The following CADM3 variants were observed in gnomAD, a reference collection of about 807,000 sequenced individuals.
The protein encoded by CADM3 is TSLC1-like 1.
Under a neutral mutation model 44.9 loss-of-function variants are expected in CADM3, and 11 were observed. The observed-to-expected ratio is 0.25, with a 90% confidence interval of 0.15 to 0.41. The LOEUF (loss-of-function observed/expected upper bound fraction) is 0.41, where lower values mean the gene tolerates loss of function less well. Ranked by LOEUF, CADM3 falls within the 10% of genes least tolerant of loss-of-function variation. CADM3 has a pLI of 1.00. For synonymous variants in CADM3, 207 were observed against 205.2 expected, an observed-to-expected ratio of 1.01 and a Z score of -0.08; for missense variants, 426 against 512.0, an observed-to-expected ratio of 0.83 and a Z score of 1.62.
In CADM3 at chr1:159,182,316, G is replaced by A. The variant is rs765532423; in HGVS notation, c.89-9620G>A. On this transcript the variant is annotated intron_variant, in intron 1 of 8. Transcript: ENST00000368125. ...TAGACTTACTTCTCTTAAGGTCCAC[G>A]GTCCTGGAGTTCCTCAGTATCATGC... 3.9e-5 allele frequency among the ~76,000 whole-genome samples: 6 copies of A among 152,136 alleles called. No individual in the cohort carries two copies. In the East Asian group the frequency reaches 7.7e-4, roughly 20 times the overall value.
rs1039713414 is a variant in CADM3 at position 159,171,797 on chromosome 1, T to A, written c.32T>A (p.Leu11Gln). MGAPAASLLL[L>Q]LLLFACCWAP... ...GCCCCAGCCGCCTCGCTCCTGCTCC[T>A]GCTCCTGCTGTTCGCCTGCTGCTGG... is the stretch of plus-strand genomic sequence containing the variant. The change falls in exon 1 of 9, where the codon CTG becomes CAG. Residue 11 changes from leucine (L) to glutamine (Q), a missense_variant. Leu to Gln is a moderately radical substitution (Grantham distance 113). Around this residue, in one of 2 missense-constraint regions of CADM3, gnomAD observed 64 missense variants for 37.4 expected, o/e 1.71. Coordinates refer to ENST00000368125, the MANE Select transcript of CADM3 (RefSeq NM_001127173.3). 2.4e-6 allele frequency: 3 copies of A among 1,246,258 alleles called. No homozygotes were observed. Among genetic ancestry groups the A allele is most frequent in the African/African-American group, 3.1e-5 (2 of 64,862 alleles). The allele number at this position is 1,246,258 out of a possible 1,614,324, so 77.2% of individuals were successfully genotyped here. A position where few individuals can be genotyped will look rare whatever the true frequency, so the allele number is the denominator to read the frequency against.
intron 1 of CADM3, among the ~76,000 whole-genome samples, chr1:159,175,229 C>A (rs1022386011): frequency 9.2e-5 from 14 of 152,224 alleles, no homozygotes; most frequent in African/African-American, 3.4e-4. Context: ...AGCTGTAACT[C>A]TTGGGAAGGA....
intron 1 of CADM3, among the ~76,000 whole-genome samples, chr1:159,190,360 A>G (rs1179787723): frequency 6.6e-6 from 1 of 152,238 alleles, no homozygotes; most frequent in Non-Finnish European, 1.5e-5. Flanking sequence ...CTCAATTTAG[A>G]TGATGACTTG....
At chr1:159,177,581 A>G (rs545253052) in intron 1 of CADM3, among the ~76,000 whole-genome samples, 1 of 152,092 alleles carries the variant, frequency 6.6e-6, no homozygotes, top group South Asian at 2.1e-4. Context: ...CAGGGCTGAA[A>G]TCTCCCTCCC....
At chr1:159,183,953 G>C (rs1489362562) in intron 1 of CADM3, among the ~76,000 whole-genome samples, 1 of 152,216 alleles carries the variant, frequency 6.6e-6, no homozygotes, top group Admixed American at 6.5e-5. Flanking sequence ...TAACTGTACA[G>C]AGTTCCTTCT....
rs1649801075 is a variant in CADM3 at position 159,194,311 on chromosome 1, C to T, written c.691+271C>T. 6 of 313,872 alleles carry T rather than the reference C, an allele frequency of 1.9e-5. No homozygotes were observed. In the South Asian group the frequency reaches 4.7e-4, roughly 25 times the overall value. 19.4% of individuals were successfully genotyped at this position (313,872 alleles called of 1,614,324 possible). ...GACGCAGTCATAGACAATATGTAAA[C>T]AAACGAGCTGGGCTGTGTTCCAGTA... is the stretch of plus-strand genomic sequence containing the variant. On this transcript the variant is annotated intron_variant, in intron 5 of 8. Coordinates refer to ENST00000368125, the MANE Select transcript of CADM3 (RefSeq NM_001127173.3).
intron 4 of CADM3, 45 bp from the exon 5 acceptor site, chr1:159,193,823 GTC>G: frequency 3.1e-6 from 5 of 1,601,402 alleles, no homozygotes; most frequent in Admixed American, 1.7e-5. Context: ...TTTACTCTGT[GTC>G]TCTCTCTGTG....
At chr1:159,181,945 T>C (rs1166249282) in intron 1 of CADM3, among the ~76,000 whole-genome samples, 1 of 152,080 alleles carries the variant, frequency 6.6e-6, no homozygotes, top group African/African-American at 2.4e-5. Context: ...GAATAGGACA[T>C]GTTCCTCTGC....
In CADM3 at chr1:159,200,752, C is replaced by G. The variant is rs1051476599; in HGVS notation, c.1079-52C>G. On this transcript the variant is annotated intron_variant, in intron 8 of 8. Transcript: ENST00000368125. ...TGGGTGAGAAAGTGGGCAGGGTGGA[C>G]TCAGAGGTTGGGAAGCTGCTCCTGA... 5.0e-6 allele frequency: 7 copies of G among 1,396,570 alleles called. No homozygotes were observed. In the African/African-American group the frequency reaches 8.8e-5, roughly 17 times the overall value. The allele number at this position is 1,396,570 out of a possible 1,614,324, so 86.5% of individuals were successfully genotyped here.
intron 1 of CADM3, among the ~76,000 whole-genome samples, chr1:159,173,412 C>T (rs1648899425): frequency 6.6e-6 from 1 of 152,098 alleles, no homozygotes; most frequent in South Asian, 2.1e-4. Flanking sequence ...GGATCCCCTC[C>T]CTATAGTTGG....
intron 1 of CADM3, among the ~76,000 whole-genome samples, chr1:159,187,520 T>C (rs1190483226): frequency 6.6e-6 from 1 of 152,152 alleles, no homozygotes; most frequent in African/African-American, 2.4e-5. Flanking sequence ...ATCTCTTGAG[T>C]TTGTTTTGAG....
intron 5 of CADM3, chr1:159,195,880 C>G (rs1262875950): frequency 6.5e-6 from 1 of 153,068 alleles, no homozygotes; most frequent in Non-Finnish European, 1.5e-5. Flanking sequence ...CTTGCTGTTT[C>G]AAAGCTCTCA....
rs1157823828 is a variant in CADM3 at position 159,197,002 on chromosome 1, C to T, written c.894C>T (p.Gly298=). ...ACAAGAGTGACAGTGGCACCTACGG[C>T]TGCACAGCCACCAGCAACATGGGCA... The part of the protein sequence containing the change: ...FLNKSDSGTY[G]CTATSNMGSY... The change falls in exon 7 of 9, where the codon GGC becomes GGT. Residue 298 remains glycine, a synonymous_variant. Transcript: ENST00000368125. 1 of 1,614,028 alleles carries T rather than the reference C, an allele frequency of 6.2e-7. No individual in the cohort carries two copies. Among genetic ancestry groups the T allele is most frequent in the Non-Finnish European group, 8.5e-7 (1 of 1,180,018 alleles).
At chr1:159,190,340 A>G (rs994870618) in intron 1 of CADM3, among the ~76,000 whole-genome samples, 1 of 152,202 alleles carries the variant, frequency 6.6e-6, no homozygotes, top group Non-Finnish European at 1.5e-5. Context: ...TCAAAATCAT[A>G]GTTTTAATGC....
intron 7 of CADM3, among the ~76,000 whole-genome samples, chr1:159,198,655 G>A (rs1650011398): frequency 6.6e-6 from 1 of 152,182 alleles, no homozygotes; most frequent in South Asian, 2.1e-4. Flanking sequence ...CTCAAGCTGA[G>A]TCCATGGAAA....
At chr1:159,191,365 A>G (rs1649655391) in intron 1 of CADM3, among the ~76,000 whole-genome samples, 1 of 152,230 alleles carries the variant, frequency 6.6e-6, no homozygotes, top group Admixed American at 6.5e-5. Flanking sequence ...ATTGAAATGT[A>G]TGTAAAAATG....
chr1:159,189,079 A>G (rs1649543063), intron 1 of CADM3, among the ~76,000 whole-genome samples: 2 of 152,296 alleles, frequency 1.3e-5, no homozygotes, highest in South Asian at 4.1e-4. Flanking sequence ...ATCTGGGAAG[A>G]CATGGTACAA....
At chr1:159,193,312 G>T (rs1177476873) in intron 3 of CADM3, 111 bp from the exon 4 acceptor site, 1 of 1,168,330 alleles carries the variant, frequency 8.6e-7, no homozygotes, top group African/African-American at 1.5e-5. Flanking sequence ...CTACCCATCA[G>T]AAATTATAGT....
intron 1 of CADM3, among the ~76,000 whole-genome samples, chr1:159,189,449 G>C (rs550277130): frequency 6.6e-5 from 10 of 152,284 alleles, no homozygotes; most frequent in African/African-American, 2.4e-4. Flanking sequence ...TAACCTTTAA[G>C]GGTTTCATTG....
Sources: gnomAD v4.1 joint callset for allele counts (sites outside exome capture counted in the v4.1 genomes callset) on GRCh38, gnomAD v4.1.1 for gene constraint, gnomAD v4.1.1 regional missense constraint, MANE v1.5 for transcripts, NCBI Gene and HGNC (gene_info 2026-07-23, HGNC 2026-07-21) for gene names.